The following SDK1 variants were observed in gnomAD, a reference collection of about 807,000 sequenced individuals.
SDK1 encodes the protein sidekick cell adhesion molecule 1, also known as protein sidekick-1.
A neutral mutation model predicts 245.5 loss-of-function variants in SDK1; 157 were observed. That is an observed-to-expected ratio of 0.64 (90% confidence interval 0.56 to 0.73). SDK1 has a LOEUF of 0.73. Among genes scored for constraint, SDK1 ranks in the 30% least tolerant of loss-of-function variants. The probability of loss-of-function intolerance (pLI) is 0.00; values close to 1 mark genes in which losing one functional copy is unlikely to be tolerated. For missense variants in SDK1, 3,583 were observed against 3,002.3 expected (o/e 1.19, Z -4.52); for synonymous variants, 1,647 against 1,278.5 (o/e 1.29, Z -6.15).
intron 1 of SDK1, among the ~76,000 whole-genome samples, chr7:3,329,714 T>A (rs1252001081): frequency 6.6e-6 from 1 of 152,224 alleles, no homozygotes; most frequent in African/African-American, 2.4e-5. Context: ...GTTGGTTCTC[T>A]GCATTGGTGC....
intron 35 of SDK1, among the ~76,000 whole-genome samples, chr7:4,188,799 G>A (rs1284310135): frequency 1.3e-5 from 2 of 151,806 alleles, no homozygotes; most frequent in Non-Finnish European, 2.9e-5. Flanking sequence ...TTTTTCCCCC[G>A]AAACCATCTA....
intron 20 of SDK1, among the ~76,000 whole-genome samples, chr7:4,074,916 A>ATATATATATATATTTTTTTT (rs1434239449): frequency 1.5e-5 from 1 of 64,624 alleles, no homozygotes; most frequent in African/African-American, 1.2e-4. Flanking sequence ...ATATATATAT[A>ATATATATATATATTTTTTTT]TTTTTTTTTT....
Position 3,301,519 on chromosome 7 carries a change from C to T in SDK1, c.-68C>T, listed in dbSNP as rs1318208178. On this transcript the variant is annotated 5_prime_UTR_variant, in exon 1 of 45. Coordinates refer to ENST00000404826, the MANE Select transcript of SDK1 (RefSeq NM_152744.4). ...CTCCCGCGGAGTGGCCGCGCCCGCT[C>T]GGAGCCGTCCCGCCTGTCCTGCCCG... The T allele has an allele frequency of 1.6e-5, 9 of 558,156 alleles. No individual in the cohort carries two copies. The highest frequency in any genetic ancestry group is 1.0e-4 in the African/African-American group (5 of 48,088). 34.6% of individuals were successfully genotyped at this position (558,156 alleles called of 1,614,324 possible). A position where few individuals can be genotyped will look rare whatever the true frequency, so the allele number is the denominator to read the frequency against.
chr7:3,853,711 T>C (rs114440541), intron 5 of SDK1, among the ~76,000 whole-genome samples: 2,123 of 152,140 alleles, frequency 0.014, 57 homozygotes, highest in African/African-American at 0.049. Flanking sequence ...TGGATTTTGG[T>C]CTGGCACAGT....
chr7:3,906,873 G>A (rs532181694), intron 5 of SDK1, among the ~76,000 whole-genome samples: 41 of 151,984 alleles, frequency 2.7e-4, no homozygotes, highest in South Asian at 1.2e-3. Flanking sequence ...CAGGCAATCC[G>A]CCCACCTCGG....
intron 2 of SDK1, among the ~76,000 whole-genome samples, chr7:3,631,286 C>T (rs1024562426): frequency 6.6e-6 from 1 of 152,158 alleles, no homozygotes; most frequent in Non-Finnish European, 1.5e-5. Flanking sequence ...TCTCTGTACT[C>T]ACCAAGAAGA....
intron 4 of SDK1, among the ~76,000 whole-genome samples, chr7:3,674,471 C>G (rs1279579406): frequency 1.3e-5 from 2 of 152,044 alleles, no homozygotes; most frequent in Non-Finnish European, 2.9e-5. Flanking sequence ...ATACAGGGGC[C>G]TTTGCTGAGG....
intron 32 of SDK1, among the ~76,000 whole-genome samples, chr7:4,173,648 G>A (rs1781991255): frequency 6.6e-6 from 1 of 152,210 alleles, no homozygotes; most frequent in Non-Finnish European, 1.5e-5. Context: ...GGCAGCTGAA[G>A]CAGATCACCG....
At chr7:3,597,858 G>A (rs1010140055) in intron 1 of SDK1, among the ~76,000 whole-genome samples, 12 of 152,108 alleles carry the variant, frequency 7.9e-5, no homozygotes, top group Non-Finnish European at 1.6e-4. Context: ...CGTCTCTGTC[G>A]TTTTCCATGT....
At chr7:3,325,634 G>C (rs915230038) in intron 1 of SDK1, among the ~76,000 whole-genome samples, 1 of 151,974 alleles carries the variant, frequency 6.6e-6, no homozygotes, top group Non-Finnish European at 1.5e-5. Context: ...AGATTAAAGG[G>C]TGTATCAACA....
In SDK1 at chr7:4,218,158, C is replaced by T. The variant is rs548127312; in HGVS notation, c.5540-1951C>T. On this transcript the variant is annotated intron_variant, in intron 38 of 44. Transcript: ENST00000404826. Reference sequence around the variant, plus strand: ...GTGGCTCATGTCTGTAATTCCAGCACGTTGGGAGGCCGAGGTGGGCAGATC... The same window carrying T: ...GTGGCTCATGTCTGTAATTCCAGCATGTTGGGAGGCCGAGGTGGGCAGATC... 1.2e-4 allele frequency among the ~76,000 whole-genome samples: 18 copies of T among 152,278 alleles called. No homozygotes were observed. The South Asian group carries it at 1.2e-3, about 11-fold the overall frequency.
intron 1 of SDK1, among the ~76,000 whole-genome samples, chr7:3,405,286 G>C (rs1032527147): frequency 2.0e-5 from 3 of 152,132 alleles, no homozygotes; most frequent in Non-Finnish European, 4.4e-5. Context: ...GAAGTGTGAG[G>C]TGGAGAGTAA....
chr7:4,007,468 G>A (rs1440168185), intron 14 of SDK1, among the ~76,000 whole-genome samples: 1 of 152,162 alleles, frequency 6.6e-6, no homozygotes. Flanking sequence ...TGGATAGGGA[G>A]GGCGGAGCTT....
At chr7:3,564,167 A>G (rs894194153) in intron 1 of SDK1, among the ~76,000 whole-genome samples, 1 of 152,130 alleles carries the variant, frequency 6.6e-6, no homozygotes, top group African/African-American at 2.4e-5. Context: ...ACACAAAGCA[A>G]ATTTCAAGGA....
At chr7:3,536,396 G>T (rs1326340515) in intron 1 of SDK1, among the ~76,000 whole-genome samples, 1 of 152,054 alleles carries the variant, frequency 6.6e-6, no homozygotes, top group African/African-American at 2.4e-5. Flanking sequence ...AAAAATCTAT[G>T]CATGGGGCTC....
At chr7:3,719,262 T>TA (rs1267865621) in intron 4 of SDK1, among the ~76,000 whole-genome samples, 1 of 146,402 alleles carries the variant, frequency 6.8e-6, no homozygotes, top group Non-Finnish European at 1.5e-5. Context: ...TTTTTTTTTT[T>TA]AAATATAGGT....
chr7:4,215,503 C>T (rs1442607244), intron 38 of SDK1, among the ~76,000 whole-genome samples: 2 of 152,272 alleles, frequency 1.3e-5, no homozygotes, highest in African/African-American at 2.4e-5. Flanking sequence ...GTGAACACAC[C>T]TGGGCTGGCC....
At chr7:3,813,265 C>G (rs1583440802) in intron 4 of SDK1, among the ~76,000 whole-genome samples, 1 of 123,744 alleles carries the variant, frequency 8.1e-6, no homozygotes, top group South Asian at 3.3e-4. Flanking sequence ...TCCCCCCTCC[C>G]CCCACCCCAC....
At chr7:3,632,225 C>T (rs1024218751) in intron 2 of SDK1, among the ~76,000 whole-genome samples, 16 of 152,140 alleles carry the variant, frequency 1.1e-4, no homozygotes, top group African/African-American at 3.9e-4. Context: ...CTGTGCTTCA[C>T]TAAATATGGA....
Sources: allele counts gnomAD v4.1 joint callset (sites outside exome capture counted in the v4.1 genomes callset), GRCh38; gene constraint gnomAD v4.1.1; transcripts MANE v1.5; gene names NCBI Gene and HGNC (gene_info 2026-07-23, HGNC 2026-07-21).